RBM47: variants seen among roughly 807,000 people sequenced by gnomAD.
The protein encoded by RBM47 is RNA-binding protein 47.
Under a neutral mutation model 47.1 loss-of-function variants are expected in RBM47, and 21 were observed. The ratio of observed to expected loss-of-function variants is 0.45; its 90% CI spans 0.32 to 0.64. The LOEUF (loss-of-function observed/expected upper bound fraction) is 0.64, where lower values mean the gene tolerates loss of function less well. Among genes scored for constraint, RBM47 ranks in the 30% least tolerant of loss-of-function variants. The probability of loss-of-function intolerance (pLI) is 0.05; values close to 1 mark genes in which losing one functional copy is unlikely to be tolerated. For synonymous variants in RBM47, 375 were observed against 361.7 expected, an observed-to-expected ratio of 1.04 and a Z score of -0.42; for missense variants, 708 against 870.9, an observed-to-expected ratio of 0.81 and a Z score of 2.35.
At chr4:40,522,215 T>G (rs114073637) in intron 2 of RBM47, among the ~76,000 whole-genome samples, 3,730 of 152,088 alleles carry the variant, frequency 0.025, 85 homozygotes, top group Non-Finnish European at 0.035. Flanking sequence ...TTTAAGAAAC[T>G]ACCTCTTGGC....
intron 2 of RBM47, among the ~76,000 whole-genome samples, chr4:40,485,415 C>A (rs960178147): frequency 6.6e-6 from 1 of 152,202 alleles, no homozygotes; most frequent in Non-Finnish European, 1.5e-5. Flanking sequence ...AGATGGGACC[C>A]TCTTCTGTTC....
intron 2 of RBM47, among the ~76,000 whole-genome samples, chr4:40,540,345 TTAAAAA>T (rs1728390301): frequency 6.6e-6 from 1 of 151,938 alleles, no homozygotes; most frequent in Non-Finnish European, 1.5e-5. Flanking sequence ...AAATTCTTTG[TTAAAAA>T]TAAACAGGCT....
intron 2 of RBM47, among the ~76,000 whole-genome samples, chr4:40,508,132 C>G (rs1231776578): frequency 1.3e-5 from 2 of 152,190 alleles, no homozygotes; most frequent in African/African-American, 4.8e-5. Flanking sequence ...GGCGGAGCCT[C>G]AACAGCGTTC....
intron 1 of RBM47, among the ~76,000 whole-genome samples, chr4:40,592,975 ATATATTTTTT>A (rs1471750946): frequency 6.3e-3 from 93 of 14,878 alleles, no homozygotes; most frequent in Admixed American, 0.013. Context: ...ATATATATAT[ATATATTTTTT>A]TTTTTTTTTT....
chr4:40,605,571 C>A, intron 1 of RBM47, among the ~76,000 whole-genome samples: 1 of 151,974 alleles, frequency 6.6e-6, no homozygotes. Context: ...TGGCTCACGC[C>A]TGTAATCTTA....
chr4:40,448,902 G>GC (rs1714967018), intron 3 of RBM47, among the ~76,000 whole-genome samples: 1 of 152,056 alleles, frequency 6.6e-6, no homozygotes, highest in Non-Finnish European at 1.5e-5. Context: ...GGAAGATGTT[G>GC]CCCCAAACTT....
At chr4:40,437,090 A>AAAAAAAAAAAAAAAAAAAAAAAATATAT (rs1256296949) in intron 4 of RBM47, among the ~76,000 whole-genome samples, 1 of 49,852 alleles carries the variant, frequency 2.0e-5, no homozygotes, top group Non-Finnish European at 3.3e-5. Flanking sequence ...AAAAAAAAAA[A>AAAAAAAAAAAAAAAAAAAAAAAATATAT]ATATATATAT....
intron 1 of RBM47, among the ~76,000 whole-genome samples, chr4:40,554,580 T>A (rs1729892117): frequency 6.6e-6 from 1 of 152,140 alleles, no homozygotes; most frequent in Admixed American, 6.6e-5. Flanking sequence ...CTTTCCAAGA[T>A]GTACATCTCA....
At chr4:40,624,974 C>T (rs975299735) in intron 1 of RBM47, among the ~76,000 whole-genome samples, 1 of 150,456 alleles carries the variant, frequency 6.6e-6, no homozygotes, top group Non-Finnish European at 1.5e-5. Context: ...CTCAGCCTCC[C>T]GAGTAGCTGG....
intron 2 of RBM47, among the ~76,000 whole-genome samples, chr4:40,509,725 CA>C (rs57061272): frequency 1.4e-4 from 20 of 147,602 alleles, no homozygotes; most frequent in Middle Eastern, 3.5e-3. Flanking sequence ...ACTAAAAATA[CA>C]AAAAAAAAAA....
At chr4:40,429,144 AAT>A (rs1715498715) in intron 6 of RBM47, among the ~76,000 whole-genome samples, 2 of 152,114 alleles carry the variant, frequency 1.3e-5, no homozygotes, top group Non-Finnish European at 2.9e-5. Flanking sequence ...CATGTCACTT[AAT>A]AGCCATCTGG....
chr4:40,430,645 C>A lies in RBM47; in HGVS notation c.1542+2006G>T, dbSNP rs186315367. 6.8e-3 allele frequency among the ~76,000 whole-genome samples: 1,029 copies of A among 152,254 alleles called. 8 individuals carry two copies. Among genetic ancestry groups the A allele is most frequent in the Non-Finnish European group, 8.1e-3 (551 of 68,020 alleles). On this transcript the variant is annotated intron_variant, in intron 6 of 6. Transcript: ENST00000295971. ...AGTCAAGACTAGTGTTCAGAGTGGG[C>A]AAAAGCAAGTAAACAGCATCCTACT...
rs1331351398 is a variant in RBM47, at chr4:40,438,718, G to A, written c.176C>T (p.Pro59Leu). 4 of 1,607,418 alleles carry A rather than the reference G, an allele frequency of 2.5e-6. No individual in the cohort carries two copies. Among genetic ancestry groups the A allele is most frequent in the African/African-American group, 1.3e-5 (1 of 75,000 alleles). ...CGGGTGCGGGCCCTCCCAGCCGGGCGGTGGGCCGCCGTACTTGCGCTGCCC... is the reference window on the plus strand; with the variant it reads ...CGGGTGCGGGCCCTCCCAGCCGGGCAGTGGGCCGCCGTACTTGCGCTGCCC... ...ENGQRKYGGP[P>L]PGWEGPHPQR... The change falls in exon 4 of 7, where the codon CCG becomes CTG. Residue 59 changes from proline to leucine, a missense_variant. Coordinates refer to ENST00000295971, the MANE Select transcript of RBM47 (RefSeq NM_001098634.2).
intron 2 of RBM47, among the ~76,000 whole-genome samples, chr4:40,497,041 CAA>C (rs10631036): frequency 1.7e-4 from 19 of 114,824 alleles, no homozygotes; most frequent in Admixed American, 3.0e-4. Flanking sequence ...AACTCCATCT[CAA>C]AAAAAAAAAA....
rs529681568 is a variant in RBM47 at position 40,620,304 on chromosome 4, G to A, written c.-240+9092C>T. 7.3e-5 allele frequency among the ~76,000 whole-genome samples: 11 copies of A among 151,388 alleles called. No individual in the cohort carries two copies. The South Asian group carries it at 2.1e-3, about 29-fold the overall frequency. On this transcript the variant is annotated intron_variant, in intron 1 of 6. Coordinates refer to ENST00000295971, the MANE Select transcript of RBM47 (RefSeq NM_001098634.2). ...GGGCGGATCACGAGGTCAGGAGTTC[G>A]AGACCAGCCTGGCCAACATGGTGAA...
chr4:40,564,257 C>T (rs1381879920), intron 1 of RBM47, among the ~76,000 whole-genome samples: 1 of 152,148 alleles, frequency 6.6e-6, no homozygotes, highest in Non-Finnish European at 1.5e-5. Context: ...CACACGTTCT[C>T]CTCTGGGCTC....
At chr4:40,588,636 T>C (rs1010455129) in intron 1 of RBM47, among the ~76,000 whole-genome samples, 23 of 152,280 alleles carry the variant, frequency 1.5e-4, no homozygotes, top group African/African-American at 5.5e-4. Flanking sequence ...TTTAGCTACA[T>C]CCATCTCCAT....
intron 1 of RBM47, among the ~76,000 whole-genome samples, chr4:40,580,130 T>C (rs1732744132): frequency 6.6e-6 from 1 of 152,060 alleles, no homozygotes; most frequent in South Asian, 2.1e-4. Context: ...CTCTCACCAG[T>C]AAAAAATTTT....
chr4:40,588,853 A>G (rs1188567514), intron 1 of RBM47, among the ~76,000 whole-genome samples: 2 of 152,092 alleles, frequency 1.3e-5, no homozygotes, highest in Non-Finnish European at 2.9e-5. Flanking sequence ...GGGCACTGGA[A>G]TCGTGGCCGA....
Sources: allele counts gnomAD v4.1 joint callset (sites outside exome capture counted in the v4.1 genomes callset), GRCh38; gene constraint gnomAD v4.1.1; transcripts MANE v1.5; gene names NCBI Gene and HGNC (gene_info 2026-07-23, HGNC 2026-07-21).